Variants in RANBP2 observed in about 807,000 individuals in gnomAD.
The protein encoded by RANBP2 is E3 SUMO-protein ligase RanBP2.
Under a neutral mutation model 303.6 loss-of-function variants are expected in RANBP2, and 57 were observed. That is an observed-to-expected ratio of 0.19 (90% CI 0.15 to 0.23). RANBP2 has a LOEUF of 0.23. RANBP2 is among the 10% of genes least tolerant of loss of function. RANBP2 has a pLI of 1.00. For missense variants in RANBP2, 3,138 were observed against 3,780.8 expected (o/e 0.83, Z 4.46); for synonymous variants, 1,167 against 1,301.5 (o/e 0.90, Z 2.23).
the RANBP2 span, among the ~76,000 whole-genome samples, chr2:109,311,615 G>A: frequency 6.6e-6 from 1 of 152,226 alleles, no homozygotes; most frequent in African/African-American, 2.4e-5. Context: ...CTTCCTAAAA[G>A]CAATGGCCCT....
chr2:109,447,096 G>A, the RANBP2 span, among the ~76,000 whole-genome samples: 1 of 150,046 alleles, frequency 6.7e-6, no homozygotes, highest in South Asian at 2.1e-4. Context: ...AGCTGTGTTG[G>A]GTTAGGATCA....
the RANBP2 span, among the ~76,000 whole-genome samples, chr2:108,961,016 G>T: frequency 6.6e-6 from 1 of 152,176 alleles, no homozygotes; most frequent in Non-Finnish European, 1.5e-5. Flanking sequence ...TTACAATAGA[G>T]TCCCAGTGGT....
the RANBP2 span, among the ~76,000 whole-genome samples, chr2:109,160,781 C>T: frequency 1.3e-5 from 2 of 152,118 alleles, no homozygotes. Flanking sequence ...TGTGAACATC[C>T]CCAGGGGCTG....
chr2:109,361,438 C>G, the RANBP2 span, among the ~76,000 whole-genome samples: 5 of 152,028 alleles, frequency 3.3e-5, no homozygotes, highest in Non-Finnish European at 5.9e-5. Flanking sequence ...CCTATCTGGT[C>G]CTGGTTCTTT....
chr2:108,809,065 A>G, the RANBP2 span, among the ~76,000 whole-genome samples: 1 of 152,122 alleles, frequency 6.6e-6, no homozygotes, highest in Non-Finnish European at 1.5e-5. Flanking sequence ...TGATTTGTTG[A>G]GGAGACTGTC....
chr2:108,898,297 C>G, the RANBP2 span, among the ~76,000 whole-genome samples: 1 of 152,080 alleles, frequency 6.6e-6, no homozygotes, highest in Non-Finnish European at 1.5e-5. Flanking sequence ...GTAAAAACTC[C>G]TCTGCCCCCG....
chr2:108,836,490 C>A, the RANBP2 span, among the ~76,000 whole-genome samples: 1 of 152,028 alleles, frequency 6.6e-6, no homozygotes, highest in Non-Finnish European at 1.5e-5. Context: ...CTTTCAAGAC[C>A]CTGTTTTCAA....
the RANBP2 span, among the ~76,000 whole-genome samples, chr2:108,914,530 T>A: frequency 6.6e-6 from 1 of 152,204 alleles, no homozygotes; most frequent in Admixed American, 6.5e-5. Context: ...GGAAGCTGAT[T>A]TTGCTCTCAG....
At chr2:108,742,692 T>C (rs977658543) in intron 7 of RANBP2, among the ~76,000 whole-genome samples, 1 of 152,204 alleles carries the variant, frequency 6.6e-6, no homozygotes, top group Non-Finnish European at 1.5e-5. Context: ...TCATAAGGAA[T>C]TGGATTAGTG....
chr2:109,543,618 A>G, the RANBP2 span: 1 of 152,286 alleles, frequency 6.6e-6, no homozygotes, highest in Non-Finnish European at 1.5e-5. Context: ...ATCTTGGAAT[A>G]TAAATGTAAT....
At chr2:109,324,314 G>A in the RANBP2 span, among the ~76,000 whole-genome samples, 1 of 152,170 alleles carries the variant, frequency 6.6e-6, no homozygotes, top group Non-Finnish European at 1.5e-5. Context: ...TGCTCTAGGA[G>A]TAGGGGTACT....
chr2:109,056,708 C>T, the RANBP2 span, among the ~76,000 whole-genome samples: 5 of 152,216 alleles, frequency 3.3e-5, no homozygotes, highest in African/African-American at 1.2e-4. Flanking sequence ...TTGGTAAGTT[C>T]TTTGATGTAA....
chr2:108,949,163 G>T, the RANBP2 span, among the ~76,000 whole-genome samples: 15 of 152,086 alleles, frequency 9.9e-5, no homozygotes, highest in African/African-American at 3.4e-4. Flanking sequence ...GTAGTTTTTT[G>T]TAGAGATGGG....
chr2:109,223,077 G>A, the RANBP2 span, among the ~76,000 whole-genome samples: 28 of 152,364 alleles, frequency 1.8e-4, no homozygotes, highest in South Asian at 1.2e-3. Flanking sequence ...CTGGCACCAC[G>A]CCCTGATGCT....
the RANBP2 span, among the ~76,000 whole-genome samples, chr2:109,438,965 GC>G: frequency 2.0e-5 from 3 of 152,116 alleles, no homozygotes; most frequent in Non-Finnish European, 2.9e-5. Context: ...AGGGTGAGTG[GC>G]CCCACTCATC....
At chr2:109,061,720 T>C in the RANBP2 span, among the ~76,000 whole-genome samples, 1 of 151,986 alleles carries the variant, frequency 6.6e-6, no homozygotes, top group African/African-American at 2.4e-5. Context: ...TATGGGAGAG[T>C]GTACAATTTT....
the RANBP2 span, among the ~76,000 whole-genome samples, chr2:109,517,664 T>C: frequency 6.6e-6 from 1 of 152,214 alleles, no homozygotes; most frequent in Non-Finnish European, 1.5e-5. Flanking sequence ...TGCCTCTGCC[T>C]GAGTTCTTTA....
the RANBP2 span, among the ~76,000 whole-genome samples, chr2:109,239,737 G>A: frequency 3.9e-5 from 6 of 152,190 alleles, no homozygotes; most frequent in Non-Finnish European, 5.9e-5. Flanking sequence ...CTTAAATGGA[G>A]CCACCTGTGG....
the RANBP2 span, among the ~76,000 whole-genome samples, chr2:109,686,537 A>G: frequency 6.7e-6 from 1 of 149,748 alleles, no homozygotes; most frequent in Non-Finnish European, 1.5e-5. Context: ...CTGATCTTGA[A>G]CTCCTGACCT....
Sources: gnomAD v4.1 joint callset for allele counts (sites outside exome capture counted in the v4.1 genomes callset) on GRCh38, gnomAD v4.1.1 for gene constraint, MANE v1.5 for transcripts, NCBI Gene and HGNC (gene_info 2026-07-23, HGNC 2026-07-21) for gene names.